Variants in TAS1R1 observed in about 807,000 individuals in gnomAD.
TAS1R1 encodes the protein taste 1 receptor member 1, also known as taste receptor type 1 member 1.
A neutral mutation model predicts 45.8 loss-of-function variants in TAS1R1; 31 were observed. That is an observed-to-expected ratio of 0.68 (90% CI 0.51 to 0.91). The LOEUF (loss-of-function observed/expected upper bound fraction) is 0.91. Among genes scored for constraint, TAS1R1 ranks in the 40% least tolerant of loss-of-function variants. The probability of loss-of-function intolerance (pLI) is 0.00; values close to 1 mark genes in which losing one functional copy is unlikely to be tolerated. For missense variants in TAS1R1, 1,051 were observed against 1,063.9 expected, an observed-to-expected ratio of 0.99 and a Z score of 0.17; for synonymous variants, 437 against 448.4, an observed-to-expected ratio of 0.97 and a Z score of 0.32.
rs1490043747 is a variant in TAS1R1, at chr1:6,576,540, C to T, written c.1386C>T (p.Thr462=). 2 of 1,614,254 alleles carry T rather than the reference C, an allele frequency of 1.2e-6. No homozygotes were observed. The highest frequency in any genetic ancestry group is 1.7e-5 in the Admixed American group (1 of 60,026). ...IAWDWNGPKW[T]FTVLGSSTWS... The stretch of plus-strand genomic sequence containing the variant: ...GGGACTGGAATGGACCCAAGTGGAC[C>T]TTCACGGTCCTCGGTTCCTCCACAT... The change falls in exon 4 of 6, where the codon ACC becomes ACT. Residue 462 remains threonine (T), a synonymous_variant. Transcript: ENST00000333172.
chr1:6,572,394 G>A (rs1640042061), intron 2 of TAS1R1, among the ~76,000 whole-genome samples: 1 of 151,458 alleles, frequency 6.6e-6, no homozygotes, highest in African/African-American at 2.4e-5. Context: ...TAAGTAGCTG[G>A]GTCCACAGGC....
At chr1:6,562,059 T>C (rs1171841071) in intron 1 of TAS1R1, among the ~76,000 whole-genome samples, 1 of 152,240 alleles carries the variant, frequency 6.6e-6, no homozygotes, top group East Asian at 1.9e-4. Flanking sequence ...GTGACTGAGC[T>C]GCAGCTGTGC....
In TAS1R1 at chr1:6,560,995, A is replaced by AAG. The variant is rs549203948; in HGVS notation, c.191+5432_191+5433insGA. On this transcript the variant is annotated intron_variant, in intron 1 of 5. Transcript: ENST00000333172. ...TCGGAAGACTCTGTCTCAAAAAAAA[A>AAG]AAAAAAAAAAGAGGGGCGATGTTTA... Among the ~76,000 whole-genome samples, 827 of 151,026 alleles carry AAG rather than the reference A, an allele frequency of 5.5e-3. 10 individuals carry two copies. The highest frequency in any genetic ancestry group is 8.2e-3 in the Non-Finnish European group (556 of 67,698).
At chr1:6,558,299 C>T (rs1440942263) in intron 1 of TAS1R1, among the ~76,000 whole-genome samples, 3 of 152,078 alleles carry the variant, frequency 2.0e-5, no homozygotes, top group Non-Finnish European at 2.9e-5. Flanking sequence ...TGCTAGGCCT[C>T]CCAGAGTGCT....
At chr1:6,557,673 G>C (rs1055491111) in intron 1 of TAS1R1, among the ~76,000 whole-genome samples, 1 of 152,220 alleles carries the variant, frequency 6.6e-6, no homozygotes, top group Non-Finnish European at 1.5e-5. Context: ...CTGGTCTCAA[G>C]TGATTCTCCT....
At chr1:6,576,822 A>C (rs1358957001) in intron 4 of TAS1R1, 128 bp from the exon 5 acceptor site, 12 of 1,506,724 alleles carry the variant, frequency 8.0e-6, no homozygotes, top group Non-Finnish European at 1.1e-5. Flanking sequence ...GCGGAAGTTC[A>C]CACGACCAGG....
At chr1:6,572,397 C>T (rs571161510) in intron 2 of TAS1R1, among the ~76,000 whole-genome samples, 15 of 151,488 alleles carry the variant, frequency 9.9e-5, no homozygotes, top group Non-Finnish European at 1.9e-4. Flanking sequence ...GTAGCTGGGT[C>T]CACAGGCATG....
intron 1 of TAS1R1, among the ~76,000 whole-genome samples, chr1:6,568,523 T>A (rs1166724414): frequency 4.7e-5 from 1 of 21,124 alleles, no homozygotes; most frequent in Non-Finnish European, 6.1e-4. Context: ...AGGTATATTT[T>A]TGGAGAGACT....
Position 6,575,125 on chromosome 1 carries a change from C to A in TAS1R1, c.993C>A (p.Val331=). ...GCGTGGCCATCCAGAAGAGGGCTGT[C>A]CCTGGCCTGAAGGCGTTTGAAGAAG... is the stretch of plus-strand genomic sequence containing the variant. ...VLGVAIQKRA[V]PGLKAFEEAY... The change falls in exon 3 of 6, where the codon GTC becomes GTA. Residue 331 remains valine, a synonymous_variant. Coordinates refer to ENST00000333172, the MANE Select transcript of TAS1R1 (RefSeq NM_138697.4). 6.3e-7 allele frequency: 1 copy of A among 1,584,838 alleles called. No homozygotes were observed. The highest frequency in any genetic ancestry group is 1.2e-5 in the South Asian group (1 of 85,854).
chr1:6,578,440 G>A (rs995750065), intron 5 of TAS1R1, among the ~76,000 whole-genome samples: 6 of 152,180 alleles, frequency 3.9e-5, no homozygotes, highest in Non-Finnish European at 8.8e-5. Context: ...GAGCCATACA[G>A]AACCGACCTG....
rs1308839891 is a variant in TAS1R1, at chr1:6,574,601, ACT to A, written c.499-29_499-28del. 1 of 1,569,166 alleles carries A rather than the reference ACT, an allele frequency of 6.4e-7. No homozygotes were observed. Among genetic ancestry groups the A allele is most frequent in the Non-Finnish European group, 8.7e-7 (1 of 1,155,224 alleles). On this transcript the variant is annotated intron_variant, in intron 2 of 5. Coordinates refer to ENST00000333172, the MANE Select transcript of TAS1R1 (RefSeq NM_138697.4). This position sits in a 1 kb window ranked among gnomAD's most constrained non-coding sequence, Gnocchi z 4.3. Reference sequence around the variant, plus strand: ...GGCACTGGGGGGGCCTTCAGTGGAGACTGAAATGGCTGAACGGGACCTCCCAT... The same window carrying A: ...GGCACTGGGGGGGCCTTCAGTGGAGAGAAATGGCTGAACGGGACCTCCCAT...
intron 1 of TAS1R1, among the ~76,000 whole-genome samples, chr1:6,560,067 C>T (rs531970663): frequency 1.3e-5 from 2 of 150,238 alleles, no homozygotes; most frequent in South Asian, 2.1e-4. Context: ...GAGGCCAAGG[C>T]GGGCAGATCA....
At chr1:6,562,415 G>A (rs1404089119) in intron 1 of TAS1R1, among the ~76,000 whole-genome samples, 10 of 152,108 alleles carry the variant, frequency 6.6e-5, no homozygotes, top group African/African-American at 1.9e-4. Flanking sequence ...TGATCCACTC[G>A]CCTCGGCCTC....
Position 6,571,188 on chromosome 1 carries a change from C to T in TAS1R1, c.471C>T (p.Ala157=), listed in dbSNP as rs763652546. The T allele has an allele frequency of 1.3e-6, 2 of 1,579,902 alleles. No individual in the cohort carries two copies. The highest frequency in any genetic ancestry group is 1.8e-5 in the Admixed American group (1 of 56,314). Residue 157 remains alanine, a synonymous_variant, in exon 2 of 6, where the codon GCC becomes GCT. Coordinates refer to ENST00000333172, the MANE Select transcript of TAS1R1 (RefSeq NM_138697.4). ...CCAACCGTGCTGCCACCACAGCCGC[C>T]CTGCTGAGCCCTTTCCTGGTGCCCA... The part of the protein sequence containing the change: ...DSTNRAATTA[A]LLSPFLVPMI...
intron 1 of TAS1R1, among the ~76,000 whole-genome samples, chr1:6,567,105 AT>A (rs1639886721): frequency 6.6e-6 from 1 of 152,150 alleles, no homozygotes; most frequent in Non-Finnish European, 1.5e-5. Context: ...TCAGCCTAGA[AT>A]GGGGATGGGT....
intron 1 of TAS1R1, among the ~76,000 whole-genome samples, chr1:6,558,795 T>C (rs1169086994): frequency 6.6e-6 from 1 of 151,228 alleles, no homozygotes; most frequent in Admixed American, 6.6e-5. Context: ...CTTGGCTCAC[T>C]GCAACCTCTG....
rs74049682 is a variant in TAS1R1 at position 6,574,673 on chromosome 1, C to A, written c.541C>A (p.Gln181Lys). 1 of 1,613,148 alleles carries A rather than the reference C, an allele frequency of 6.2e-7. No individual in the cohort carries two copies. Among genetic ancestry groups the A allele is most frequent in the Non-Finnish European group, 8.5e-7 (1 of 1,179,392 alleles). Residue 181 changes from glutamine to lysine, a missense_variant, in exon 3 of 6, where the codon CAG becomes AAG. Gln to Lys is a moderately conservative substitution (Grantham distance 53). Coordinates refer to ENST00000333172, the MANE Select transcript of TAS1R1 (RefSeq NM_138697.4). This position sits in a 1 kb window ranked among gnomAD's most constrained non-coding sequence, Gnocchi z 4.3. ...CAGCGAGACGCTCAGCGTGAAGCGGCAGTATCCCTCTTTCCTGCGCACCAT... is the reference window on the plus strand; with the variant it reads ...CAGCGAGACGCTCAGCGTGAAGCGGAAGTATCCCTCTTTCCTGCGCACCAT... ...ASSETLSVKR[Q>K]YPSFLRTIPN...
intron 5 of TAS1R1, 35 bp downstream of exon 5, chr1:6,577,105 A>AC: frequency 6.2e-7 from 1 of 1,613,372 alleles, no homozygotes; most frequent in Non-Finnish European, 8.5e-7. Flanking sequence ...GCTACCCAGC[A>AC]CTCCCGGGGG....
At chr1:6,560,616 G>A (rs1199368997) in intron 1 of TAS1R1, among the ~76,000 whole-genome samples, 1 of 152,144 alleles carries the variant, frequency 6.6e-6, no homozygotes, top group Admixed American at 6.5e-5. Flanking sequence ...GCCGGGTTGG[G>A]TCCCTAACAT....
Sources: gnomAD v4.1 joint callset for allele counts (sites outside exome capture counted in the v4.1 genomes callset) on GRCh38, gnomAD v4.1.1 for gene constraint, Gnocchi (gnomAD v3.1) non-coding constraint, MANE v1.5 for transcripts, NCBI Gene and HGNC (gene_info 2026-07-23, HGNC 2026-07-21) for gene names.